Variants in SORCS1 observed in about 807,000 individuals in gnomAD.
The protein encoded by SORCS1 is VPS10 domain-containing receptor SorCS1.
A neutral mutation model predicts 146.1 loss-of-function variants in SORCS1; 60 were observed. The ratio of observed to expected loss-of-function variants is 0.41; its 90% confidence interval spans 0.33 to 0.51. The LOEUF (loss-of-function observed/expected upper bound fraction) is 0.51, where lower values mean the gene tolerates loss of function less well. Ranked by LOEUF, SORCS1 falls within the 20% of genes least tolerant of loss-of-function variation. The probability of loss-of-function intolerance (pLI) is 0.21; values close to 1 mark genes in which losing one functional copy is unlikely to be tolerated. For synonymous variants in SORCS1, 637 were observed against 584.0 expected (o/e 1.09, Z -1.31); for missense variants, 1,352 against 1,487.6 (o/e 0.91, Z 1.50).
In SORCS1 at chr10:106,623,707, C is replaced by T. The variant is rs189705661; in HGVS notation, c.2663-3146G>A. ...TTGAGACAGAGTCTCCCTCTGCTGC[C>T]CAGGCTGGAGTGCAGTGGCATGATC... On this transcript the variant is annotated intron_variant, in intron 19 of 25. Coordinates refer to ENST00000263054, the MANE Select transcript of SORCS1 (RefSeq NM_052918.5). 5.6e-3 allele frequency among the ~76,000 whole-genome samples: 849 copies of T among 151,356 alleles called. 2 individuals are homozygous for T. Among genetic ancestry groups the T allele is most frequent in the Middle Eastern group, 0.034 (10 of 292 alleles).
chr10:107,040,170 A>G (rs1959091252), intron 1 of SORCS1, among the ~76,000 whole-genome samples: 2 of 152,174 alleles, frequency 1.3e-5, no homozygotes, highest in Admixed American at 1.3e-4. Context: ...TAACCATGCT[A>G]CACAATAGGC....
chr10:106,597,562 G>C (rs1027950763), intron 23 of SORCS1, 112 bp from the exon 24 acceptor site: 21 of 744,700 alleles, frequency 2.8e-5, no homozygotes, highest in Non-Finnish European at 3.6e-5. Flanking sequence ...ATACCCGTGA[G>C]TTATATAAAT....
chr10:106,909,788 C>T (rs1236900125), intron 2 of SORCS1, among the ~76,000 whole-genome samples: 1 of 152,200 alleles, frequency 6.6e-6, no homozygotes, highest in Non-Finnish European at 1.5e-5. Context: ...ATTCGTTCTC[C>T]TTTCCTCAAT....
At chr10:106,699,149 G>T in intron 9 of SORCS1, 65 bp downstream of exon 9, 1 of 1,422,892 alleles carries the variant, frequency 7.0e-7, no homozygotes, top group Non-Finnish European at 9.5e-7. Flanking sequence ...AAGAGTCCAT[G>T]CGGGGCTTCC....
intron 2 of SORCS1, among the ~76,000 whole-genome samples, chr10:106,954,657 G>T (rs1265110433): frequency 6.6e-6 from 1 of 152,040 alleles, no homozygotes; most frequent in Non-Finnish European, 1.5e-5. Flanking sequence ...TAGCGTAGAG[G>T]AGCTCCTTGA....
intron 1 of SORCS1, among the ~76,000 whole-genome samples, chr10:107,114,017 G>A (rs1333006994): frequency 6.6e-6 from 1 of 152,048 alleles, no homozygotes; most frequent in African/African-American, 2.4e-5. Flanking sequence ...CTTGAGTACA[G>A]TTATTCACCA....
intron 2 of SORCS1, among the ~76,000 whole-genome samples, chr10:106,940,427 T>A (rs1301267751): frequency 1.3e-5 from 2 of 152,234 alleles, no homozygotes; most frequent in Non-Finnish European, 2.9e-5. Context: ...GAAGGTAGCA[T>A]GTGTCCTTCG....
At chr10:107,172,518 G>T in the SORCS1 span, among the ~76,000 whole-genome samples, 5 of 152,074 alleles carry the variant, frequency 3.3e-5, no homozygotes, top group Admixed American at 6.5e-5. Context: ...TTCTGACATT[G>T]TACTTTTTTA....
intron 2 of SORCS1, among the ~76,000 whole-genome samples, chr10:106,869,172 C>CTCTGATATTGAATCAGCAATA (rs1950320588): frequency 6.6e-6 from 1 of 152,080 alleles, no homozygotes; most frequent in East Asian, 1.9e-4. Context: ...AGAACAATAA[C>CTCTGATATTGAATCAGCAATA]AAGCTCTGAT....
intron 21 of SORCS1, among the ~76,000 whole-genome samples, chr10:106,616,700 A>G (rs1468218080): frequency 6.6e-6 from 1 of 152,188 alleles, no homozygotes; most frequent in Non-Finnish European, 1.5e-5. Flanking sequence ...AGAAGAAATT[A>G]TAAAATCTAA....
intron 1 of SORCS1, among the ~76,000 whole-genome samples, chr10:106,962,623 A>G (rs958045876): frequency 2.6e-5 from 4 of 152,136 alleles, no homozygotes; most frequent in African/African-American, 9.7e-5. Flanking sequence ...TGAATAATGT[A>G]GATGATGACT....
At chr10:107,137,657 G>A (rs2134687577) in intron 1 of SORCS1, among the ~76,000 whole-genome samples, 1 of 152,244 alleles carries the variant, frequency 6.6e-6, no homozygotes. Context: ...GAGGTCGAGA[G>A]TTCGAGACCA....
chr10:106,648,984 A>G (rs995748184), intron 18 of SORCS1, among the ~76,000 whole-genome samples: 10 of 152,092 alleles, frequency 6.6e-5, no homozygotes, highest in Admixed American at 6.6e-4. Context: ...ACTATCCTAT[A>G]CGGAGTTTAG....
At chr10:106,899,590 G>T (rs1162316411) in intron 2 of SORCS1, among the ~76,000 whole-genome samples, 27 of 132,776 alleles carry the variant, frequency 2.0e-4, no homozygotes, top group Non-Finnish European at 3.1e-4. Flanking sequence ...TGCCACCAGG[G>T]CTTTTTTTTT....
At chr10:107,101,834 G>A (rs1254487915) in intron 1 of SORCS1, among the ~76,000 whole-genome samples, 1 of 151,798 alleles carries the variant, frequency 6.6e-6, no homozygotes, top group East Asian at 1.9e-4. Context: ...TAACTGAAAT[G>A]TCTTTAAGTA....
At chr10:107,103,410 T>C (rs751708733) in intron 1 of SORCS1, among the ~76,000 whole-genome samples, 2 of 152,232 alleles carry the variant, frequency 1.3e-5, no homozygotes, top group African/African-American at 2.4e-5. Context: ...CTGGAAGTCC[T>C]GCCCATCCCC....
At chr10:106,708,194 GC>G (rs1854672589) in intron 7 of SORCS1, among the ~76,000 whole-genome samples, 1 of 152,088 alleles carries the variant, frequency 6.6e-6, no homozygotes, top group Non-Finnish European at 1.5e-5. Context: ...ACAACTTGAT[GC>G]TGAAATTGTC....
intron 2 of SORCS1, among the ~76,000 whole-genome samples, chr10:106,951,709 G>A (rs947303354): frequency 2.0e-5 from 3 of 152,100 alleles, no homozygotes; most frequent in Non-Finnish European, 4.4e-5. Context: ...GAAGTCTGTT[G>A]TGCTCACTGC....
At chr10:107,137,320 T>C (rs1323952942) in intron 1 of SORCS1, among the ~76,000 whole-genome samples, 2 of 152,152 alleles carry the variant, frequency 1.3e-5, no homozygotes, top group African/African-American at 4.8e-5. Flanking sequence ...AGGAACACTT[T>C]AATCTAATCT....
Sources: allele counts gnomAD v4.1 joint callset (sites outside exome capture counted in the v4.1 genomes callset), GRCh38; gene constraint gnomAD v4.1.1; transcripts MANE v1.5; gene names NCBI Gene and HGNC (gene_info 2026-07-23, HGNC 2026-07-21).